The following PCSK6 variants were observed in gnomAD, a reference collection of about 807,000 sequenced individuals.
The protein encoded by PCSK6 is proprotein convertase subtilisin/kexin type 6.
Under a neutral mutation model 123.3 loss-of-function variants are expected in PCSK6, and 85 were observed. That is an observed-to-expected ratio of 0.69 (90% confidence interval 0.58 to 0.83). PCSK6 has a LOEUF of 0.83. Ranked by LOEUF, PCSK6 falls within the 40% of genes least tolerant of loss-of-function variation. The pLI is 0.00. For missense variants in PCSK6, 1,191 were observed against 1,282.3 expected, an observed-to-expected ratio of 0.93 and a Z score of 1.09; for synonymous variants, 508 against 516.0, an observed-to-expected ratio of 0.98 and a Z score of 0.21.
chr15:101,309,453 A>AC (rs1675899776), intron 20 of PCSK6, among the ~76,000 whole-genome samples: 1 of 152,184 alleles, frequency 6.6e-6, no homozygotes, highest in Non-Finnish European at 1.5e-5. Context: ...CATCTATGGT[A>AC]CCTACTTTTC....
intron 20 of PCSK6, 100 bp from the exon 21 acceptor site, chr15:101,307,425 C>G: frequency 1.3e-6 from 1 of 787,886 alleles, no homozygotes; most frequent in Non-Finnish European, 2.1e-6. Context: ...CCTTCCCACC[C>G]CCTCAGCCTC....
chr15:101,324,972 C>G lies in PCSK6; in HGVS notation c.2255G>C (p.Gly752Ala). ...AGCTCTGCTGGAGCAGGTCTCACACCCCTTGTGGCACCGGCGACAGCGTCT... is the reference window on the plus strand; with the variant it reads ...AGCTCTGCTGGAGCAGGTCTCACACGCCTTGTGGCACCGGCGACAGCGTCT... ...AARRCRRCHKGCETCSSRAAT... is the reference protein window; with the variant it reads ...AARRCRRCHKACETCSSRAAT... The change falls in exon 17 of 22, where the codon GGG becomes GCG. Residue 752 changes from glycine to alanine, a missense_variant. Coordinates refer to ENST00000611716, the MANE Select transcript of PCSK6 (RefSeq NM_002570.5). The G allele has an allele frequency of 1.2e-6, 2 of 1,613,226 alleles. No homozygotes were observed.
chr15:101,395,955 G>A (rs375646106), intron 7 of PCSK6, among the ~76,000 whole-genome samples: 24 of 152,188 alleles, frequency 1.6e-4, no homozygotes, highest in East Asian at 1.5e-3. Context: ...TCTCACCGCC[G>A]GGCCACATCA....
At chr15:101,439,979 A>G (rs79645636) in intron 2 of PCSK6, among the ~76,000 whole-genome samples, 1,901 of 152,306 alleles carry the variant, frequency 0.012, 27 homozygotes, top group African/African-American at 0.039. Flanking sequence ...TCATCATGCT[A>G]AAATGTAAGG....
chr15:101,406,686 G>A (rs2042790893), intron 6 of PCSK6, among the ~76,000 whole-genome samples: 1 of 152,168 alleles, frequency 6.6e-6, no homozygotes, highest in Admixed American at 6.5e-5. Context: ...CCACAGGACA[G>A]CCTTGTTCTA....
chr15:101,367,474 T>C (rs2041434934), intron 12 of PCSK6, among the ~76,000 whole-genome samples: 1 of 152,220 alleles, frequency 6.6e-6, no homozygotes, highest in Non-Finnish European at 1.5e-5. Context: ...CTAGGGAACA[T>C]TCTTTGCAAT....
At chr15:101,345,270 T>C (rs1369599639) in intron 13 of PCSK6, among the ~76,000 whole-genome samples, 1 of 152,228 alleles carries the variant, frequency 6.6e-6, no homozygotes, top group African/African-American at 2.4e-5. Context: ...TTCTCTGTTG[T>C]TGGAAATAAA....
At chr15:101,360,034 T>C (rs946769615) in intron 13 of PCSK6, among the ~76,000 whole-genome samples, 4 of 152,138 alleles carry the variant, frequency 2.6e-5, no homozygotes, top group African/African-American at 9.7e-5. Context: ...TAGGACTCCA[T>C]TCTTCTACTG....
intron 13 of PCSK6, among the ~76,000 whole-genome samples, chr15:101,355,819 G>C (rs903550554): frequency 2.0e-5 from 3 of 152,196 alleles, no homozygotes; most frequent in Non-Finnish European, 4.4e-5. Flanking sequence ...AGGCTGGCCT[G>C]ACCTTGGCAG....
At chr15:101,468,666 G>A (rs1489580338) in intron 1 of PCSK6, among the ~76,000 whole-genome samples, 1 of 152,224 alleles carries the variant, frequency 6.6e-6, no homozygotes, top group Non-Finnish European at 1.5e-5. Flanking sequence ...GAAGGAGACA[G>A]CAGTTGGTAC....
chr15:101,446,811 G>A (rs912065965), intron 1 of PCSK6, among the ~76,000 whole-genome samples: 5 of 152,360 alleles, frequency 3.3e-5, no homozygotes, highest in Admixed American at 3.3e-4. Context: ...GCGGCTGCAA[G>A]CCTAGACCTT....
In PCSK6 at chr15:101,320,472, G is replaced by C. The variant is rs78274135; in HGVS notation, c.2465+2048C>G. ...AAAAACCCACACGTTTTGGCTACCA[G>C]AGGTGAAGTGTGTTGTATTTTGTGT... is the stretch of plus-strand genomic sequence containing the variant. On this transcript the variant is annotated intron_variant, in intron 18 of 21. Coordinates refer to ENST00000611716, the MANE Select transcript of PCSK6 (RefSeq NM_002570.5). 8.2e-3 allele frequency among the ~76,000 whole-genome samples: 1,246 copies of C among 152,328 alleles called. 18 individuals are homozygous for C. The highest frequency in any genetic ancestry group is 0.028 in the African/African-American group (1,183 of 41,586).
intron 20 of PCSK6, chr15:101,307,929 G>A (rs950417070): frequency 3.3e-5 from 5 of 152,948 alleles, no homozygotes; most frequent in African/African-American, 7.2e-5. Context: ...CAGGGTAAAC[G>A]TGACCTCAGG....
At chr15:101,425,652 T>C (rs2141101235) in intron 6 of PCSK6, among the ~76,000 whole-genome samples, 1 of 152,208 alleles carries the variant, frequency 6.6e-6, no homozygotes, top group Middle Eastern at 3.4e-3. Context: ...ATATATTGCT[T>C]CATACGTTAT....
At position 101,443,605 on chromosome 15, in the gene PCSK6, G is replaced by A; in HGVS notation, c.353C>T (p.Ser118Leu). The A allele has an allele frequency of 1.2e-6, 2 of 1,613,962 alleles. No individual in the cohort carries two copies. Among genetic ancestry groups the A allele is most frequent in the Non-Finnish European group, 1.7e-6 (2 of 1,179,864 alleles). Reference sequence around the variant, plus strand: ...GTGAGGGCCTCTGCTACTCAAGGTTGATCTTTTAAAGGTTTTGCTGTGATA... The same window carrying A: ...GTGAGGGCCTCTGCTACTCAAGGTTAATCTTTTAAAGGTTTTGCTGTGATA... ...HFYHSKTFKR[S>L]TLSSRGPHTF... Residue 118 changes from serine (S) to leucine (L), a missense_variant, in exon 2 of 22, where the codon TCA becomes TTA. Around this residue, in one of 3 missense-constraint regions of PCSK6, gnomAD observed 204 missense variants for 166.4 expected, o/e 1.23. Coordinates refer to ENST00000611716, the MANE Select transcript of PCSK6 (RefSeq NM_002570.5).
chr15:101,408,516 C>T (rs1196184018), intron 6 of PCSK6, among the ~76,000 whole-genome samples: 1 of 152,230 alleles, frequency 6.6e-6, no homozygotes, highest in African/African-American at 2.4e-5. Context: ...AGTTCTTGCC[C>T]ATCTCCTCCT....
At chr15:101,336,240 A>G (rs1402747199) in intron 13 of PCSK6, among the ~76,000 whole-genome samples, 1 of 152,232 alleles carries the variant, frequency 6.6e-6, no homozygotes, top group African/African-American at 2.4e-5. Context: ...ACGTGGGGAT[A>G]ATAATAACGT....
chr15:101,370,238 T>C, intron 12 of PCSK6, 97 bp downstream of exon 12: 2 of 1,076,530 alleles, frequency 1.9e-6, no homozygotes, highest in South Asian at 5.1e-5. Flanking sequence ...CCAGAGGGCC[T>C]TGCAGAGACA....
intron 1 of PCSK6, among the ~76,000 whole-genome samples, chr15:101,479,113 G>T (rs1347037748): frequency 6.6e-6 from 1 of 152,194 alleles, no homozygotes; most frequent in African/African-American, 2.4e-5. Context: ...GTCTAGCGGG[G>T]AGAGAGACAC....
Sources: allele counts gnomAD v4.1 joint callset (sites outside exome capture counted in the v4.1 genomes callset), GRCh38; gene constraint gnomAD v4.1.1; regional missense constraint gnomAD v4.1.1; transcripts MANE v1.5; gene names NCBI Gene and HGNC (gene_info 2026-07-23, HGNC 2026-07-21).